SYT16: variants seen among roughly 807,000 people sequenced by gnomAD.
SYT16 encodes the protein synaptotagmin 16, also known as synaptotagmin-16.
Under a neutral mutation model 61.4 loss-of-function variants are expected in SYT16, and 42 were observed. That is an observed-to-expected ratio of 0.68 (90% CI 0.53 to 0.89). SYT16 has a LOEUF of 0.89. SYT16 is among the 40% of genes least tolerant of loss of function. The probability of loss-of-function intolerance (pLI) is 0.00; values close to 1 mark genes in which losing one functional copy is unlikely to be tolerated. For synonymous variants in SYT16, 314 were observed against 302.3 expected, an observed-to-expected ratio of 1.04 and a Z score of -0.40; for missense variants, 804 against 807.3, an observed-to-expected ratio of 1.00 and a Z score of 0.05.
At chr14:61,889,340 G>A (rs568320598) in intron 1 of SYT16, among the ~76,000 whole-genome samples, 55 of 152,290 alleles carry the variant, frequency 3.6e-4, no homozygotes, top group Non-Finnish European at 6.5e-4. Flanking sequence ...AGATGCCAAG[G>A]TTGGGGACAT....
chr14:62,092,205 C>G (rs977705413), intron 7 of SYT16, among the ~76,000 whole-genome samples: 1 of 144,570 alleles, frequency 6.9e-6, no homozygotes, highest in African/African-American at 2.6e-5. Flanking sequence ...CACACACACA[C>G]ACACACACAC....
chr14:62,090,010 G>A (rs2057016298), intron 7 of SYT16, among the ~76,000 whole-genome samples: 1 of 152,174 alleles, frequency 6.6e-6, no homozygotes, highest in African/African-American at 2.4e-5. Flanking sequence ...CTGCTTCATG[G>A]CCTCAACATT....
intron 1 of SYT16, among the ~76,000 whole-genome samples, chr14:61,956,016 G>A (rs1008176805): frequency 5.9e-5 from 9 of 151,870 alleles, no homozygotes; most frequent in African/African-American, 1.7e-4. Context: ...ACAGATCTGA[G>A]GTGATATCTC....
At chr14:62,077,778 A>G (rs960027355) in intron 5 of SYT16, 2 of 152,212 alleles carry the variant, frequency 1.3e-5, no homozygotes, top group Non-Finnish European at 1.5e-5. Flanking sequence ...CCCAGTTTTC[A>G]TGGGCCACAG....
intron 7 of SYT16, among the ~76,000 whole-genome samples, chr14:62,086,347 G>A (rs1350531570): frequency 6.6e-6 from 1 of 152,070 alleles, no homozygotes; most frequent in Non-Finnish European, 1.5e-5. Flanking sequence ...GAGCTTGGTG[G>A]TGCACGCCTG....
Position 62,107,018 on chromosome 14 carries a change from G to A in SYT16, c.*6311G>A, listed in dbSNP as rs1295996967. Reference sequence around the variant, plus strand: ...TTACCAGTTTTACCTTGAGGATGATGAGAAGGCTGACTTCCTATTGTATTG... The same window carrying A: ...TTACCAGTTTTACCTTGAGGATGATAAGAAGGCTGACTTCCTATTGTATTG... On this transcript the variant is annotated 3_prime_UTR_variant, in exon 8 of 8. Transcript: ENST00000683842. The A allele has an allele frequency of 2.0e-5, 3 of 151,876 alleles. No individual in the cohort carries two copies. The highest frequency in any genetic ancestry group is 4.4e-5 in the Non-Finnish European group (3 of 67,988). 9.4% of individuals were successfully genotyped at this position (151,876 alleles called of 1,614,324 possible).
At chr14:62,033,024 A>G (rs925973586) in intron 3 of SYT16, among the ~76,000 whole-genome samples, 5 of 151,666 alleles carry the variant, frequency 3.3e-5, no homozygotes, top group African/African-American at 1.2e-4. Context: ...ATTTCATGAA[A>G]TTAAGGTACC....
At chr14:61,866,065 T>C (rs1338641469) in intron 1 of SYT16, among the ~76,000 whole-genome samples, 1 of 152,158 alleles carries the variant, frequency 6.6e-6, no homozygotes, top group Admixed American at 6.5e-5. Flanking sequence ...ATTCAGAAAG[T>C]GGGTCATTCT....
chr14:61,951,033 T>C (rs1018398049), intron 1 of SYT16, among the ~76,000 whole-genome samples: 5 of 152,228 alleles, frequency 3.3e-5, no homozygotes, highest in Admixed American at 2.0e-4. Context: ...AATGGTTGTT[T>C]GTGATCTGAG....
At chr14:61,862,843 A>G (rs77489438) in intron 1 of SYT16, among the ~76,000 whole-genome samples, 20,819 of 152,184 alleles carry the variant, frequency 0.14, 1,573 homozygotes, top group African/African-American at 0.2. Context: ...TGTCTTTTCC[A>G]TAATGTCATA....
At chr14:61,886,028 G>A (rs963833007) in intron 1 of SYT16, among the ~76,000 whole-genome samples, 2 of 150,360 alleles carry the variant, frequency 1.3e-5, no homozygotes, top group South Asian at 2.1e-4. Context: ...GCAGTGGAGC[G>A]ATCTTGGCTC....
At chr14:61,872,776 G>A (rs987626908) in intron 1 of SYT16, among the ~76,000 whole-genome samples, 2 of 152,190 alleles carry the variant, frequency 1.3e-5, no homozygotes, top group Non-Finnish European at 2.9e-5. Context: ...CCTCATCACA[G>A]CTCATGGCTT....
chr14:62,056,880 C>G (rs1032437714), intron 3 of SYT16, among the ~76,000 whole-genome samples: 1 of 152,220 alleles, frequency 6.6e-6, no homozygotes, highest in African/African-American at 2.4e-5. Context: ...ACAACACGCT[C>G]TGGACGAGCG....
intron 1 of SYT16, among the ~76,000 whole-genome samples, chr14:61,891,302 C>A (rs1042776783): frequency 2.4e-4 from 36 of 151,492 alleles, no homozygotes; most frequent in Non-Finnish European, 4.7e-4. Flanking sequence ...GCTTTTGTGG[C>A]AAGCACGTCT....
chr14:61,977,635 A>AT (rs1165516956), intron 2 of SYT16, among the ~76,000 whole-genome samples: 1 of 152,124 alleles, frequency 6.6e-6, no homozygotes, highest in Admixed American at 6.6e-5. Context: ...GATTACAGGG[A>AT]TTATGGGGAT....
intron 2 of SYT16, among the ~76,000 whole-genome samples, chr14:61,991,347 T>TGTGC (rs1397704150): frequency 6.6e-6 from 1 of 151,676 alleles, no homozygotes; most frequent in African/African-American, 2.4e-5. Flanking sequence ...TGTGTGTGTG[T>TGTGC]GTGTGTGTGT....
At chr14:62,062,896 A>G (rs1028298052) in intron 3 of SYT16, among the ~76,000 whole-genome samples, 5 of 152,156 alleles carry the variant, frequency 3.3e-5, no homozygotes, top group Admixed American at 2.6e-4. Flanking sequence ...CATTGCTCCT[A>G]TGTGGGTGGG....
chr14:61,956,484 G>A (rs759749349), intron 1 of SYT16, among the ~76,000 whole-genome samples: 1 of 151,920 alleles, frequency 6.6e-6, no homozygotes, highest in Admixed American at 6.6e-5. Flanking sequence ...TTTGTGTGTG[G>A]TATGAGATAA....
In SYT16 at chr14:62,039,834, T is replaced by TACACACACAC. The variant is rs71449576; in HGVS notation, c.524-29734_524-29725dup. Among the ~76,000 whole-genome samples the TACACACACAC allele has an allele frequency of 5.8e-3, 718 of 124,400 alleles. 14 individuals carry two copies. Among genetic ancestry groups the TACACACACAC allele is most frequent in the East Asian group, 0.028 (109 of 3,900 alleles). 81.6% of individuals were successfully genotyped at this position (124,400 alleles called of 152,430 possible). A position where few individuals can be genotyped will look rare whatever the true frequency, so the allele number is the denominator to read the frequency against. Reference sequence around the variant, plus strand: ...AGCCAAATTCAGAGGGGCTTAAGCATACACACACACACACACACACACACA... The same window carrying TACACACACAC: ...AGCCAAATTCAGAGGGGCTTAAGCATACACACACACACACACACACACACACACACACACA... On this transcript the variant is annotated intron_variant, in intron 3 of 7. Coordinates refer to ENST00000683842, the MANE Select transcript of SYT16 (RefSeq NM_001367656.1).
Sources: gnomAD v4.1 joint callset for allele counts (sites outside exome capture counted in the v4.1 genomes callset) on GRCh38, gnomAD v4.1.1 for gene constraint, MANE v1.5 for transcripts, NCBI Gene and HGNC (gene_info 2026-07-23, HGNC 2026-07-21) for gene names.